The following FAM53A variants were observed in gnomAD, a reference collection of about 807,000 sequenced individuals.
FAM53A encodes the protein family with sequence similarity 53 member A.
In FAM53A, 28 loss-of-function variants were observed where a neutral mutation model predicts 26.6. The observed-to-expected ratio is 1.05, with a 90% CI of 0.78 to 1.45. The LOEUF (loss-of-function observed/expected upper bound fraction) is 1.45, where lower values mean the gene tolerates loss of function less well. FAM53A is among the 40% of genes most tolerant of loss of function. The pLI, the probability that FAM53A is intolerant of heterozygous loss-of-function variation, is 0.00. For missense variants in FAM53A, 650 were observed against 575.8 expected (o/e 1.13, Z -1.32); for synonymous variants, 290 against 253.1 (o/e 1.15, Z -1.38).
intron 1 of FAM53A, among the ~76,000 whole-genome samples, chr4:1,679,064 C>T (rs1458213546): frequency 2.0e-5 from 3 of 152,116 alleles, no homozygotes; most frequent in African/African-American, 7.2e-5. Flanking sequence ...GCAAAAGACA[C>T]TGTCAAGAGA....
At chr4:1,622,772 G>A (rs1441992930) in intron 1 of FAM53A, among the ~76,000 whole-genome samples, 1 of 152,158 alleles carries the variant, frequency 6.6e-6, no homozygotes, top group Non-Finnish European at 1.5e-5. Flanking sequence ...TCAGACTCAG[G>A]CACCACATTT....
At chr4:1,645,802 TC>T (rs1712186482) in intron 4 of FAM53A, among the ~76,000 whole-genome samples, 1 of 152,176 alleles carries the variant, frequency 6.6e-6, no homozygotes, top group Non-Finnish European at 1.5e-5. Context: ...AGCTACAAAT[TC>T]CAGATTTTCG....
upstream of FAM53A, among the ~76,000 whole-genome samples, chr4:1,684,706 C>A (rs1308068125): frequency 6.6e-6 from 1 of 151,942 alleles, no homozygotes; most frequent in Non-Finnish European, 1.5e-5. Flanking sequence ...CCGGGGCGCG[C>A]GGTCTCGGGG....
chr4:1,622,337 C>T (rs1009439928), intron 1 of FAM53A, among the ~76,000 whole-genome samples: 1 of 152,224 alleles, frequency 6.6e-6, no homozygotes, highest in Non-Finnish European at 1.5e-5. Context: ...CTAGGAGTCA[C>T]TGCAGCAGGA....
the FAM53A span, among the ~76,000 whole-genome samples, chr4:1,595,586 CA>C: frequency 1.3e-5 from 2 of 152,118 alleles, no homozygotes; most frequent in Admixed American, 6.5e-5. Flanking sequence ...AGACGGCAGA[CA>C]AAAAAACAGC....
downstream of FAM53A, among the ~76,000 whole-genome samples, chr4:1,615,710 A>T (rs1412183895): frequency 6.6e-6 from 1 of 152,256 alleles, no homozygotes; most frequent in Non-Finnish European, 1.5e-5. Context: ...GCTGCTCCTC[A>T]CATGTCCAAG....
upstream of FAM53A, among the ~76,000 whole-genome samples, chr4:1,685,350 G>C (rs1257484275): frequency 2.6e-5 from 4 of 152,098 alleles, no homozygotes; most frequent in African/African-American, 9.7e-5. Context: ...GGTGGGGGTG[G>C]GGAGAAGGGG....
rs1320875554 is a variant in FAM53A, at chr4:1,655,483, T to G, written c.377A>C (p.Glu126Ala). Residue 126 changes from glutamate to alanine, a missense_variant, in exon 4 of 5, where the codon GAA becomes GCA. Transcript: ENST00000308132. ...CCGGCAGCGCACAAGCTCCTCGGGT[T>G]CTGACAAGGACCGGCAATGCCGCTT... ...PTKRHCRSLSEPEELVRCRSP... is the reference protein window; with the variant it reads ...PTKRHCRSLSAPEELVRCRSP... 6.3e-7 allele frequency: 1 copy of G among 1,575,974 alleles called. No homozygotes were observed. Among genetic ancestry groups the G allele is most frequent in the Non-Finnish European group, 8.6e-7 (1 of 1,159,552 alleles).
At chr4:1,667,776 A>C (rs986097588) in intron 2 of FAM53A, among the ~76,000 whole-genome samples, 1 of 152,204 alleles carries the variant, frequency 6.6e-6, no homozygotes, top group East Asian at 1.9e-4. Flanking sequence ...GGCCCAGGAT[A>C]GGCAGGCGCT....
At chr4:1,611,943 T>C in the FAM53A span, among the ~76,000 whole-genome samples, 1 of 152,198 alleles carries the variant, frequency 6.6e-6, no homozygotes, top group African/African-American at 2.4e-5. Context: ...ACCGGCGGCA[T>C]TGATCCCCAA....
chr4:1,657,964 A>T (rs960392220), intron 2 of FAM53A, among the ~76,000 whole-genome samples: 37 of 149,054 alleles, frequency 2.5e-4, no homozygotes, highest in African/African-American at 4.4e-4. Flanking sequence ...TAAATTTTTT[A>T]AAAAATTTTT....
chr4:1,676,283 C>A (rs1377456337), intron 1 of FAM53A, among the ~76,000 whole-genome samples: 1 of 152,150 alleles, frequency 6.6e-6, no homozygotes, highest in Admixed American at 6.5e-5. Flanking sequence ...CTCCAGTCTT[C>A]CCACCGCATT....
intron 4 of FAM53A, among the ~76,000 whole-genome samples, chr4:1,654,739 C>T (rs1713163819): frequency 6.6e-6 from 1 of 152,218 alleles, no homozygotes; most frequent in Non-Finnish European, 1.5e-5. Context: ...CCACCCTGGG[C>T]CGTGTGTGGG....
the FAM53A span, among the ~76,000 whole-genome samples, chr4:1,610,891 A>G: frequency 6.6e-5 from 10 of 151,618 alleles, no homozygotes; most frequent in African/African-American, 1.9e-4. Flanking sequence ...TCTGCCCCCG[A>G]CTCACCCCTG....
intron 1 of FAM53A, among the ~76,000 whole-genome samples, chr4:1,621,798 G>C (rs1297347612): frequency 6.6e-6 from 1 of 152,240 alleles, no homozygotes; most frequent in African/African-American, 2.4e-5. Context: ...TGCCGTCCCT[G>C]GCACCGTGTT....
chr4:1,601,596 C>A, the FAM53A span, among the ~76,000 whole-genome samples: 2 of 111,768 alleles, frequency 1.8e-5, 1 homozygote, highest in African/African-American at 5.7e-5. Context: ...GCCATGCGCC[C>A]CATCTGCCAT....
intron 4 of FAM53A, among the ~76,000 whole-genome samples, chr4:1,652,774 C>T (rs1712976632): frequency 6.7e-6 from 1 of 148,432 alleles, no homozygotes; most frequent in African/African-American, 2.5e-5. Flanking sequence ...CTACACACCA[C>T]ACAGCACACA....
At position 1,660,210 on chromosome 4, in the gene FAM53A, G is replaced by A. The variant is rs1333315765; in HGVS notation, c.76-2742C>T. Among the ~76,000 whole-genome samples the A allele has an allele frequency of 2.0e-5, 3 of 151,142 alleles. No individual in the cohort carries two copies. In the East Asian group the frequency reaches 5.9e-4, roughly 30 times the overall value. On this transcript the variant is annotated intron_variant, in intron 2 of 4. Coordinates refer to ENST00000308132, the MANE Select transcript of FAM53A (RefSeq NM_001174070.3). ...AGGCAGGGGAATCGCGTGAACCCGG[G>A]AGGCAGAGGCTGCAGTGAGCCGAGA...
At chr4:1,645,046 C>A (rs960085234) in intron 4 of FAM53A, 1 of 152,486 alleles carries the variant, frequency 6.6e-6, no homozygotes, top group Non-Finnish European at 1.5e-5. Flanking sequence ...ACAGCCAAGG[C>A]GGCCCTGGCC....
Sources: allele counts gnomAD v4.1 joint callset (sites outside exome capture counted in the v4.1 genomes callset), GRCh38; gene constraint gnomAD v4.1.1; transcripts MANE v1.5; gene names NCBI Gene and HGNC (gene_info 2026-07-23, HGNC 2026-07-21).